CSMD1: variants seen among roughly 807,000 people sequenced by gnomAD.
CSMD1 encodes CUB and sushi domain-containing protein 1.
Under a neutral mutation model 417.5 loss-of-function variants are expected in CSMD1, and 213 were observed. That is an observed-to-expected ratio of 0.51 (90% confidence interval 0.46 to 0.57). CSMD1 has a LOEUF of 0.57. CSMD1 is among the 20% of genes least tolerant of loss of function. The pLI is 0.00. For missense variants in CSMD1, 6,923 were observed against 4,529.7 expected (o/e 1.53, Z -15.17); for synonymous variants, 2,862 against 1,736.8 (o/e 1.65, Z -16.11).
At chr8:4,983,381 T>G (rs1811002091) in intron 1 of CSMD1, among the ~76,000 whole-genome samples, 1 of 152,226 alleles carries the variant, frequency 6.6e-6, no homozygotes, top group African/African-American at 2.4e-5. Flanking sequence ...CATTTATTTA[T>G]TTATTAAAGA....
intron 5 of CSMD1, among the ~76,000 whole-genome samples, chr8:3,894,106 C>T (rs991766820): frequency 6.6e-6 from 1 of 152,192 alleles, no homozygotes; most frequent in Non-Finnish European, 1.5e-5. Flanking sequence ...GGTGTTCCGT[C>T]TATTCTGCAC....
In CSMD1 at chr8:4,420,019, T is replaced by C. The variant is rs559907731; in HGVS notation, c.349A>G (p.Ile117Val). Residue 117 changes from isoleucine (I) to valine (V), a missense_variant, in exon 3 of 70, where the codon ATC becomes GTC. Physicochemically the swap from Ile to Val is conservative, Grantham distance 29. Transcript: ENST00000635120. ...LPSSIVSTGS[I>V]LTLWFTTDFA... is the part of the protein sequence containing the mutation. ...TCTGTCGTGAACCACAGAGTGAGGA[T>C]AGATCCTGTACTCACTATAGAGGAG... The C allele has an allele frequency of 6.4e-5, 101 of 1,584,742 alleles. No homozygotes were observed. The highest frequency in any genetic ancestry group is 1.0e-4 in the South Asian group (9 of 86,444).
intron 49 of CSMD1, among the ~76,000 whole-genome samples, chr8:3,056,013 G>A (rs772626880): frequency 3.9e-5 from 6 of 152,122 alleles, no homozygotes; most frequent in South Asian, 2.1e-4. Context: ...ATTATTATAC[G>A]CAGAAAATCT....
At chr8:3,483,283 C>G (rs915609722) in intron 11 of CSMD1, among the ~76,000 whole-genome samples, 1 of 151,604 alleles carries the variant, frequency 6.6e-6, no homozygotes, top group East Asian at 1.9e-4. Context: ...TTACAAATAC[C>G]AGAAATAAAA....
At chr8:3,209,985 A>G (rs1283932922) in intron 30 of CSMD1, among the ~76,000 whole-genome samples, 1 of 152,218 alleles carries the variant, frequency 6.6e-6, no homozygotes, top group African/African-American at 2.4e-5. Flanking sequence ...ATTCTACAAA[A>G]AACTTCAATA....
At chr8:4,141,039 T>A (rs1041129543) in intron 3 of CSMD1, among the ~76,000 whole-genome samples, 1 of 151,298 alleles carries the variant, frequency 6.6e-6, no homozygotes, top group South Asian at 2.1e-4. Context: ...TGCCGTTTCA[T>A]CTATTTAGTT....
chr8:4,474,599 T>G (rs1800701941), intron 2 of CSMD1, among the ~76,000 whole-genome samples: 2 of 152,176 alleles, frequency 1.3e-5, no homozygotes, highest in African/African-American at 2.4e-5. Context: ...TGTTTCTGTG[T>G]GAGCTACTAC....
Position 4,602,726 on chromosome 8 carries a change from C to T in CSMD1, c.302+34616G>A, listed in dbSNP as rs746449359. On this transcript the variant is annotated intron_variant, in intron 2 of 69. Coordinates refer to ENST00000635120, the MANE Select transcript of CSMD1 (RefSeq NM_033225.6). ...TCATTGTTGTTATCTACAAGGAAGCCACCAGCATCTACAGATAACTACTGC... is the reference window on the plus strand; with the variant it reads ...TCATTGTTGTTATCTACAAGGAAGCTACCAGCATCTACAGATAACTACTGC... 5.3e-5 allele frequency among the ~76,000 whole-genome samples: 8 copies of T among 152,168 alleles called. No individual in the cohort carries two copies. The East Asian group carries it at 7.7e-4, about 15-fold the overall frequency.
In CSMD1 at chr8:4,814,642, T is replaced by C. The variant is rs1277795003; in HGVS notation, c.86-177084A>G. On this transcript the variant is annotated intron_variant, in intron 1 of 69. Coordinates refer to ENST00000635120, the MANE Select transcript of CSMD1 (RefSeq NM_033225.6). ...GTATTGATCAAGGGTCTTCATGTGC[T>C]GTATACTAGTAGGAGACTTGGTGTA... Among the ~76,000 whole-genome samples, 13 of 152,220 alleles carry C rather than the reference T, an allele frequency of 8.5e-5. 1 individual carries two copies. Among genetic ancestry groups the C allele is most frequent in the Admixed American group, 7.2e-4 (11 of 15,274 alleles).
chr8:3,949,226 T>C (rs1811442704), intron 5 of CSMD1, among the ~76,000 whole-genome samples: 1 of 152,202 alleles, frequency 6.6e-6, no homozygotes, highest in Non-Finnish European at 1.5e-5. Flanking sequence ...AAATCTTCTG[T>C]TAGCAATTTT....
intron 5 of CSMD1, among the ~76,000 whole-genome samples, chr8:3,940,533 G>GTGTA (rs1554493085): frequency 3.6e-5 from 5 of 140,310 alleles, no homozygotes; most frequent in East Asian, 4.1e-4. Context: ...GTGTGTGTGT[G>GTGTA]TGTATGTATG....
chr8:3,950,106 A>G (rs1311758904), intron 5 of CSMD1: 1 of 427,726 alleles, frequency 2.3e-6, no homozygotes, highest in Non-Finnish European at 4.7e-6. Context: ...GGCAATGATA[A>G]TAATAATTAG....
At chr8:4,036,858 A>C (rs182029131) in intron 3 of CSMD1, among the ~76,000 whole-genome samples, 7 of 152,210 alleles carry the variant, frequency 4.6e-5, no homozygotes, top group African/African-American at 1.4e-4. Flanking sequence ...CCATCTCTGC[A>C]TGAGGTATGT....
chr8:4,416,577 A>C (rs1796953700), intron 3 of CSMD1, among the ~76,000 whole-genome samples: 2 of 152,116 alleles, frequency 1.3e-5, no homozygotes, highest in Non-Finnish European at 2.9e-5. Flanking sequence ...CGTTTTTACT[A>C]ATAAGGGCAA....
At chr8:4,855,110 AC>A (rs1215149721) in intron 1 of CSMD1, among the ~76,000 whole-genome samples, 5 of 151,558 alleles carry the variant, frequency 3.3e-5, no homozygotes, top group Non-Finnish European at 5.9e-5. Context: ...CTGACCCCTG[AC>A]CCCCGAGCAG....
intron 3 of CSMD1, among the ~76,000 whole-genome samples, chr8:4,265,464 G>A (rs1394483): frequency 0.95 from 96,345 of 101,392 alleles, 46,315 homozygotes; most frequent in East Asian, 1. Context: ...GACCTCGACT[G>A]TTATTGGTAA....
intron 7 of CSMD1, among the ~76,000 whole-genome samples, chr8:3,666,797 G>C (rs774776233): frequency 1.3e-5 from 2 of 151,856 alleles, no homozygotes; most frequent in African/African-American, 2.4e-5. Context: ...ATGATTGTGA[G>C]GCCTCCTCAG....
At chr8:4,849,587 T>C (rs1801346424) in intron 1 of CSMD1, among the ~76,000 whole-genome samples, 1 of 152,172 alleles carries the variant, frequency 6.6e-6, no homozygotes, top group African/African-American at 2.4e-5. Context: ...TTTCATCTTT[T>C]ATACCATAAT....
At chr8:3,720,620 T>TTCTCTCACACACACACACAC (rs72331833) in intron 6 of CSMD1, among the ~76,000 whole-genome samples, 11 of 143,320 alleles carry the variant, frequency 7.7e-5, no homozygotes, top group African/African-American at 1.1e-4. Flanking sequence ...TCTTTATTCT[T>TTCTCTCACACACACACACAC]ACACACACAC....
Sources: gnomAD v4.1 joint callset for allele counts (sites outside exome capture counted in the v4.1 genomes callset) on GRCh38, gnomAD v4.1.1 for gene constraint, MANE v1.5 for transcripts, NCBI Gene and HGNC (gene_info 2026-07-23, HGNC 2026-07-21) for gene names.